Variants in ZNF609 observed in about 807,000 individuals in gnomAD.
ZNF609 encodes the protein zinc finger protein 609.
Under a neutral mutation model 109.5 loss-of-function variants are expected in ZNF609, and 11 were observed. That is an observed-to-expected ratio of 0.10 (90% CI 0.06 to 0.17). The LOEUF (loss-of-function observed/expected upper bound fraction) is 0.17. Ranked by LOEUF, ZNF609 falls within the 10% of genes least tolerant of loss-of-function variation. ZNF609 has a pLI of 1.00. For synonymous variants in ZNF609, 646 were observed against 662.0 expected (o/e 0.98, Z 0.37); for missense variants, 1,559 against 1,772.4 (o/e 0.88, Z 2.16).
intron 2 of ZNF609, among the ~76,000 whole-genome samples, chr15:64,611,511 A>C (rs1182020100): frequency 6.6e-6 from 1 of 152,124 alleles, no homozygotes; most frequent in Non-Finnish European, 1.5e-5. Flanking sequence ...CACACTGGGA[A>C]TTTCTAGACA....
intron 2 of ZNF609, among the ~76,000 whole-genome samples, chr15:64,595,583 T>G (rs1895382829): frequency 6.6e-6 from 1 of 152,126 alleles, no homozygotes. Context: ...TTGGCAGTGG[T>G]TTTTCTATCA....
At chr15:64,534,632 C>T (rs1191804703) in intron 2 of ZNF609, among the ~76,000 whole-genome samples, 2 of 150,974 alleles carry the variant, frequency 1.3e-5, no homozygotes, top group African/African-American at 2.4e-5. Flanking sequence ...CTTTTTTATA[C>T]CATACCCACT....
chr15:64,569,840 T>C (rs920584679), intron 2 of ZNF609, among the ~76,000 whole-genome samples: 3 of 152,244 alleles, frequency 2.0e-5, no homozygotes, highest in African/African-American at 7.2e-5. Flanking sequence ...GTTAAGTTTT[T>C]TTCTGTAGTG....
rs532487665 is a variant in ZNF609, at chr15:64,475,681, G to A, written c.-128+14843G>A. On this transcript the variant is annotated intron_variant, in intron 1 of 9. Transcript: ENST00000326648. The stretch of plus-strand genomic sequence containing the variant: ...GCTTGGATTACAGGCATGAGCCACC[G>A]CGCCCAGCCCGCATGTTGTCTTTAA... Among the ~76,000 whole-genome samples the A allele has an allele frequency of 7.2e-5, 11 of 152,134 alleles. No individual in the cohort carries two copies. In the South Asian group the frequency reaches 1.7e-3, roughly 23 times the overall value.
chr15:64,666,962 C>A (rs1234767488), intron 3 of ZNF609, among the ~76,000 whole-genome samples: 1 of 151,980 alleles, frequency 6.6e-6, no homozygotes, highest in East Asian at 1.9e-4. Flanking sequence ...CCTGTCTCTA[C>A]TAAAAAATAC....
intron 2 of ZNF609, among the ~76,000 whole-genome samples, chr15:64,568,669 C>T (rs193124162): frequency 6.6e-6 from 1 of 152,270 alleles, no homozygotes; most frequent in East Asian, 1.9e-4. Context: ...AGTTTTCTGA[C>T]CAGAACAGAG....
chr15:64,539,012 T>A, intron 2 of ZNF609, among the ~76,000 whole-genome samples: 1 of 151,510 alleles, frequency 6.6e-6, no homozygotes, highest in South Asian at 2.1e-4. Context: ...TTTTTGTACA[T>A]TTTTCTTTTG....
At chr15:64,592,493 G>T (rs548645715) in intron 2 of ZNF609, among the ~76,000 whole-genome samples, 2 of 152,264 alleles carry the variant, frequency 1.3e-5, no homozygotes, top group Non-Finnish European at 2.9e-5. Flanking sequence ...CACGAGAATT[G>T]CTTCAACCCA....
At chr15:64,510,920 T>C (rs908627711) in intron 2 of ZNF609, among the ~76,000 whole-genome samples, 68 of 152,006 alleles carry the variant, frequency 4.5e-4, no homozygotes, top group African/African-American at 1.5e-3. Context: ...TTTCATTTGG[T>C]AATGAGTTCT....
At position 64,577,347 on chromosome 15, in the gene ZNF609, A is replaced by G. The variant is rs1194365713; in HGVS notation, c.748-45480A>G. 5.2e-4 allele frequency among the ~76,000 whole-genome samples: 10 copies of G among 19,214 alleles called. 5 individuals are homozygous for G. Among genetic ancestry groups the G allele is most frequent in the Non-Finnish European group, 1.7e-3 (8 of 4,694 alleles). 12.6% of individuals were successfully genotyped at this position (19,214 alleles called of 152,430 possible). On this transcript the variant is annotated intron_variant, in intron 2 of 9. Coordinates refer to ENST00000326648, the MANE Select transcript of ZNF609 (RefSeq NM_015042.2). ...CACACAAATATATACATATATATGT[A>G]TATATATACACATATATGTATATAT...
chr15:64,578,841 A>G (rs1049557523), intron 2 of ZNF609, among the ~76,000 whole-genome samples: 2 of 152,162 alleles, frequency 1.3e-5, no homozygotes, highest in African/African-American at 4.8e-5. Flanking sequence ...TGTACAAAAA[A>G]GTACAAAAAC....
At chr15:64,616,582 T>C (rs1895801689) in intron 2 of ZNF609, among the ~76,000 whole-genome samples, 1 of 138,682 alleles carries the variant, frequency 7.2e-6, no homozygotes. Context: ...TGCAGTGGCG[T>C]GATCTCGGCT....
intron 1 of ZNF609, among the ~76,000 whole-genome samples, chr15:64,477,024 A>G (rs999721442): frequency 3.9e-5 from 6 of 152,072 alleles, no homozygotes; most frequent in African/African-American, 1.4e-4. Context: ...TGGAAGTCTC[A>G]GTACCTAATT....
chr15:64,609,681 AT>A (rs113533250), intron 2 of ZNF609, among the ~76,000 whole-genome samples: 344 of 141,944 alleles, frequency 2.4e-3, no homozygotes, highest in African/African-American at 5.7e-3. Flanking sequence ...TAAGGTTCTC[AT>A]TTTTTTTTTT....
chr15:64,675,690 G>C lies in ZNF609; in HGVS notation c.2836G>C (p.Glu946Gln). The change falls in exon 5 of 10, where the codon GAA (glutamate) becomes CAA (glutamine). Residue 946 changes from glutamate (E) to glutamine (Q), a missense_variant. By Grantham distance (29) the Glu-to-Gln change is conservative (BLOSUM62 2). Coordinates refer to ENST00000326648, the MANE Select transcript of ZNF609 (RefSeq NM_015042.2). ...GAAAGTGAAGAACGATATCTGTGAA[G>C]AAAAGAAGCCCGAGCTGAGCAGTTC... The part of the protein sequence containing the change: ...EGKVKNDICE[E>Q]KKPELSSSSQ... The C allele has an allele frequency of 1.9e-6, 3 of 1,613,974 alleles. No homozygotes were observed. The highest frequency in any genetic ancestry group is 2.5e-6 in the Non-Finnish European group (3 of 1,179,968).
chr15:64,478,236 T>G (rs1893200612), intron 1 of ZNF609, among the ~76,000 whole-genome samples: 1 of 149,256 alleles, frequency 6.7e-6, no homozygotes, highest in Admixed American at 6.8e-5. Context: ...TTGCCCAGGT[T>G]GGAGGACAGT....
chr15:64,507,059 G>A (rs919321037), intron 2 of ZNF609, among the ~76,000 whole-genome samples: 2 of 152,142 alleles, frequency 1.3e-5, no homozygotes, highest in Non-Finnish European at 2.9e-5. Flanking sequence ...CCAAAAATTA[G>A]CTTAGGGCAT....
At chr15:64,490,756 A>G (rs1266729124) in intron 1 of ZNF609, among the ~76,000 whole-genome samples, 1 of 152,238 alleles carries the variant, frequency 6.6e-6, no homozygotes, top group Non-Finnish European at 1.5e-5. Flanking sequence ...TGTGAGATAC[A>G]TGCTGGCACA....
intron 2 of ZNF609, among the ~76,000 whole-genome samples, chr15:64,525,956 T>G (rs1893962421): frequency 6.6e-6 from 1 of 151,998 alleles, no homozygotes; most frequent in Non-Finnish European, 1.5e-5. Flanking sequence ...GCCCAGCTAA[T>G]TTTTTGTATT....
Sources: gnomAD v4.1 joint callset for allele counts (sites outside exome capture counted in the v4.1 genomes callset) on GRCh38, gnomAD v4.1.1 for gene constraint, MANE v1.5 for transcripts, NCBI Gene and HGNC (gene_info 2026-07-23, HGNC 2026-07-21) for gene names.